Variants in PRKN observed in about 807,000 individuals in gnomAD.
PRKN encodes parkin RBR E3 ubiquitin protein ligase.
In PRKN, 56 loss-of-function variants were observed where a neutral mutation model predicts 59.5. That is an observed-to-expected ratio of 0.94 (90% CI 0.76 to 1.18). The LOEUF (loss-of-function observed/expected upper bound fraction) is 1.18, where lower values mean the gene tolerates loss of function less well. PRKN is among the 50% of genes most tolerant of loss of function. The pLI, the probability that PRKN is intolerant of heterozygous loss-of-function variation, is 0.00. For missense variants in PRKN, 657 were observed against 596.4 expected, an observed-to-expected ratio of 1.10 and a Z score of -1.06; for synonymous variants, 250 against 222.1, an observed-to-expected ratio of 1.13 and a Z score of -1.12.
rs118160284 is a variant in PRKN at position 161,844,204 on chromosome 6, C to T, written c.735-58296G>A. 1.7e-3 allele frequency among the ~76,000 whole-genome samples: 264 copies of T among 152,290 alleles called. 2 individuals are homozygous for T. The highest frequency in any genetic ancestry group is 2.4e-3 in the Non-Finnish European group (163 of 68,022). ...AAAAAGAATATTAAACTTTTAAAGA[C>T]TAAAAGATCTTTCAAAATATATTCC... On this transcript the variant is annotated intron_variant, in intron 6 of 11. Coordinates refer to ENST00000366898, the MANE Select transcript of PRKN (RefSeq NM_004562.3).
At position 161,475,890 on chromosome 6, in the gene PRKN, ATAT is replaced by A. The variant is rs1787288420; in HGVS notation, c.1083+72961_1083+72963del. Among the ~76,000 whole-genome samples the A allele has an allele frequency of 6.6e-6, 1 of 152,012 alleles. No individual in the cohort carries two copies. Among genetic ancestry groups the A allele is most frequent in the African/African-American group, 2.4e-5 (1 of 41,426 alleles). ...TCTTATATATTTTATATATTTAAAA[ATAT>A]TATTCAAGATAGGCTGGTCGCGGTG... On this transcript the variant is annotated intron_variant, in intron 9 of 11. Transcript: ENST00000366898. The surrounding 1 kb of genome is among the most constrained non-coding windows in gnomAD (Gnocchi z 5.3).
At chr6:161,633,993 C>T (rs894167899) in intron 7 of PRKN, among the ~76,000 whole-genome samples, 1 of 112,258 alleles carries the variant, frequency 8.9e-6, no homozygotes, top group South Asian at 3.2e-4. Context: ...AAATGGAAAA[C>T]TTAAACACAC....
At chr6:162,123,725 G>C (rs909104139) in intron 4 of PRKN, among the ~76,000 whole-genome samples, 1 of 152,168 alleles carries the variant, frequency 6.6e-6, no homozygotes, top group Non-Finnish European at 1.5e-5. Flanking sequence ...TTATGAAAAG[G>C]AAGTTTGAGT....
intron 2 of PRKN, among the ~76,000 whole-genome samples, chr6:162,380,795 G>A (rs1404914143): frequency 1.3e-5 from 2 of 151,944 alleles, no homozygotes; most frequent in Admixed American, 6.6e-5. Flanking sequence ...CTGGCGCTCA[G>A]TGAATGGGAG....
rs1223768443 is a variant in PRKN at position 161,400,972 on chromosome 6, G to C, written c.1084-14095C>G. On this transcript the variant is annotated intron_variant, in intron 9 of 11. Coordinates refer to ENST00000366898, the MANE Select transcript of PRKN (RefSeq NM_004562.3). This position sits in a 1 kb window ranked among gnomAD's most constrained non-coding sequence, Gnocchi z 4.2. Reference sequence around the variant, plus strand: ...ATAGCGTCCAGGCCATTACTCAAGGGGAAGACTGTTGATCAGAGTACACTG... The same window carrying C: ...ATAGCGTCCAGGCCATTACTCAAGGCGAAGACTGTTGATCAGAGTACACTG... Among the ~76,000 whole-genome samples the C allele has an allele frequency of 6.6e-6, 1 of 152,148 alleles. No homozygotes were observed. The highest frequency in any genetic ancestry group is 2.4e-5 in the African/African-American group (1 of 41,416).
chr6:161,846,212 A>G (rs752125112), intron 6 of PRKN, among the ~76,000 whole-genome samples: 6 of 152,108 alleles, frequency 3.9e-5, no homozygotes, highest in Non-Finnish European at 7.4e-5. Context: ...ATAGAAACAT[A>G]TTTCTTCCAA....
chr6:161,641,787 T>G (rs899615246), intron 7 of PRKN, among the ~76,000 whole-genome samples: 1 of 152,238 alleles, frequency 6.6e-6, no homozygotes, highest in Non-Finnish European at 1.5e-5. Context: ...AAAGGCAAAG[T>G]GCCCTGTGGC....
intron 2 of PRKN, among the ~76,000 whole-genome samples, chr6:162,405,828 A>AAACCCCGAGTGATCTCAGAGTT (rs1737614124): frequency 1.3e-5 from 2 of 152,182 alleles, no homozygotes; most frequent in Admixed American, 1.3e-4. Flanking sequence ...CACTCAGAGT[A>AAACCCCGAGTGATCTCAGAGTT]AACCCCGAGT....
At chr6:162,080,170 C>T (rs538118248) in intron 4 of PRKN, among the ~76,000 whole-genome samples, 1 of 152,026 alleles carries the variant, frequency 6.6e-6, no homozygotes, top group East Asian at 1.9e-4. Flanking sequence ...AGAGAGAGTG[C>T]AATAGAAAAA....
rs139260929 is a variant in PRKN at position 162,079,285 on chromosome 6, A to G, written c.535-25111T>C. Among the ~76,000 whole-genome samples, 510 of 152,286 alleles carry G rather than the reference A, an allele frequency of 3.3e-3. 8 individuals are homozygous for G. The highest frequency in any genetic ancestry group is 0.012 in the African/African-American group (479 of 41,516). ...GGACGATAGTTGGGAACCATTAGCA[A>G]CACTACAGACAGAATAGGCAGATAC... On this transcript the variant is annotated intron_variant, in intron 4 of 11. Transcript: ENST00000366898.
intron 5 of PRKN, among the ~76,000 whole-genome samples, chr6:162,041,016 C>G (rs1307776771): frequency 1.3e-5 from 2 of 151,780 alleles, no homozygotes; most frequent in African/African-American, 2.4e-5. Flanking sequence ...GAAATCCCAT[C>G]TCTACTAAAA....
intron 1 of PRKN, among the ~76,000 whole-genome samples, chr6:162,585,772 G>A (rs779717184): frequency 2.0e-5 from 3 of 150,970 alleles, no homozygotes; most frequent in Admixed American, 1.3e-4. Flanking sequence ...GTGTGATCTC[G>A]GCTCACTGCA....
At chr6:161,439,642 G>A (rs1220493209) in intron 9 of PRKN, among the ~76,000 whole-genome samples, 1 of 152,176 alleles carries the variant, frequency 6.6e-6, no homozygotes. Context: ...CATCTACACT[G>A]AACTAAACCG....
chr6:161,970,729 G>C (rs887056106), intron 6 of PRKN, among the ~76,000 whole-genome samples: 4 of 151,946 alleles, frequency 2.6e-5, no homozygotes, highest in Non-Finnish European at 5.9e-5. Context: ...GTAGAAACAG[G>C]GTTTCACCAT....
intron 1 of PRKN, among the ~76,000 whole-genome samples, chr6:162,656,129 C>G (rs1384311796): frequency 6.6e-6 from 1 of 152,126 alleles, no homozygotes; most frequent in African/African-American, 2.4e-5. Context: ...ACAACAGTAC[C>G]AAGCACATAG....
In PRKN at chr6:162,151,967, A is replaced by C. The variant is rs1782291097; in HGVS notation, c.534+49164T>G. Among the ~76,000 whole-genome samples, 4 of 152,346 alleles carry C rather than the reference A, an allele frequency of 2.6e-5. No individual in the cohort carries two copies. The South Asian group carries it at 8.3e-4, about 32-fold the overall frequency. ...AAACATTATTTAGCAAAAAAAATCAAATAATTATAATGCTTTATGTACCCT... is the reference window on the plus strand; with the variant it reads ...AAACATTATTTAGCAAAAAAAATCACATAATTATAATGCTTTATGTACCCT... On this transcript the variant is annotated intron_variant, in intron 4 of 11. Transcript: ENST00000366898.
At chr6:161,775,435 G>T (rs894725591) in intron 7 of PRKN, among the ~76,000 whole-genome samples, 5 of 151,958 alleles carry the variant, frequency 3.3e-5, no homozygotes, top group Non-Finnish European at 7.4e-5. Context: ...TAGAAAAGGG[G>T]TCTCCCTGTG....
intron 1 of PRKN, among the ~76,000 whole-genome samples, chr6:162,508,663 C>T (rs1024069016): frequency 2.0e-5 from 3 of 152,172 alleles, no homozygotes; most frequent in Admixed American, 6.5e-5. Context: ...GTTAGGGGCT[C>T]TCTTTAAGGC....
At chr6:161,694,283 C>A (rs1306964378) in intron 7 of PRKN, among the ~76,000 whole-genome samples, 1 of 152,110 alleles carries the variant, frequency 6.6e-6, no homozygotes, top group Non-Finnish European at 1.5e-5. Flanking sequence ...TGTAACCCAT[C>A]ATAGTGGATC....
Sources: allele counts gnomAD v4.1 joint callset (sites outside exome capture counted in the v4.1 genomes callset), GRCh38; gene constraint gnomAD v4.1.1; non-coding constraint Gnocchi (gnomAD v3.1); transcripts MANE v1.5; gene names NCBI Gene and HGNC (gene_info 2026-07-23, HGNC 2026-07-21).